Variants in SULT1C2 observed in about 807,000 individuals in gnomAD.
The protein encoded by SULT1C2 is sulfotransferase 1C2.
A neutral mutation model predicts 36.0 loss-of-function variants in SULT1C2; 27 were observed. The ratio of observed to expected loss-of-function variants is 0.75; its 90% CI spans 0.55 to 1.03. The LOEUF is 1.03. Among genes scored for constraint, SULT1C2 ranks in the 50% least tolerant of loss-of-function variants. The pLI, the probability that SULT1C2 is intolerant of heterozygous loss-of-function variation, is 0.00. For missense variants in SULT1C2, 395 were observed against 359.2 expected (o/e 1.10, Z -0.80); for synonymous variants, 121 against 116.0 (o/e 1.04, Z -0.27).
chr2:108,298,470 C>T, intron 3 of SULT1C2: 1 of 202,416 alleles, frequency 4.9e-6, no homozygotes. Context: ...ATCTCTCGAG[C>T]TCAAGCGATC....
Position 108,309,324 on chromosome 2 carries a change from T to C in SULT1C2, c.*860T>C, listed in dbSNP as rs1047312. The stretch of plus-strand genomic sequence containing the variant: ...ATGTATTTACTCTTCAATTTCTTAT[T>C]TATACCTCTCACTCAATTGTTAATT... On this transcript the variant is annotated 3_prime_UTR_variant, in exon 8 of 8. Coordinates refer to ENST00000251481, the MANE Select transcript of SULT1C2 (RefSeq NM_001056.4). 0.74 allele frequency: 111,850 copies of C among 152,060 alleles called. 41,978 individuals are homozygous for C. The highest frequency in any genetic ancestry group is 0.93 in the East Asian group (4,814 of 5,182). The allele number at this position is 152,060 out of a possible 1,614,324, so 9.4% of individuals were successfully genotyped here. A position where few individuals can be genotyped will look rare whatever the true frequency, so the allele number is the denominator to read the frequency against.
At chr2:108,291,608 TA>T (rs373596162) in intron 1 of SULT1C2, among the ~76,000 whole-genome samples, 1,966 of 150,824 alleles carry the variant, frequency 0.013, 53 homozygotes, top group African/African-American at 0.042. Flanking sequence ...AAATTCACAA[TA>T]AAAAAAAACA....
In SULT1C2 at chr2:108,304,632, G is replaced by T. The variant is rs938784911; in HGVS notation, c.434G>T (p.Arg145Met). ...DCMVSYYHFQ[R>M]MNHMLPDPGT... is the part of the protein sequence containing the mutation. The stretch of plus-strand genomic sequence containing the variant: ...ATGGTTTCCTACTACCATTTCCAAA[G>T]GATGAACCACATGCTTCCTGACCCT... The change falls in exon 5 of 8, where the codon AGG becomes ATG. Residue 145 changes from arginine (R) to methionine (M), a missense_variant. Transcript: ENST00000251481. The T allele has an allele frequency of 6.2e-7, 1 of 1,613,846 alleles. No homozygotes were observed. The highest frequency in any genetic ancestry group is 8.5e-7 in the Non-Finnish European group (1 of 1,179,936).
chr2:108,308,316 C>A, intron 7 of SULT1C2, 36 bp from the exon 8 acceptor site: 1 of 1,567,270 alleles, frequency 6.4e-7, no homozygotes, highest in Non-Finnish European at 8.7e-7. Context: ...ATCTTTCAAT[C>A]AGAGTGACAC....
intron 3 of SULT1C2, among the ~76,000 whole-genome samples, chr2:108,296,222 G>A (rs1432815684): frequency 1.3e-5 from 2 of 152,212 alleles, no homozygotes; most frequent in Admixed American, 1.3e-4. Flanking sequence ...CTTAGCAGTA[G>A]AGAGCAGAGT....
At chr2:108,293,900 G>A in intron 2 of SULT1C2, 82 bp downstream of exon 2, 9 of 1,537,042 alleles carry the variant, frequency 5.9e-6, no homozygotes, top group Non-Finnish European at 7.9e-6. Context: ...CCCTTCTTAG[G>A]AAACCTGCTC....
intron 3 of SULT1C2, chr2:108,298,499 G>A (rs569423875): frequency 3.3e-5 from 7 of 209,390 alleles, no homozygotes; most frequent in South Asian, 2.6e-4. Flanking sequence ...TCAGCCTCCC[G>A]AGTAAGTAGC....
chr2:108,289,843 C>A (rs1676547484), intron 1 of SULT1C2, among the ~76,000 whole-genome samples: 1 of 152,194 alleles, frequency 6.6e-6, no homozygotes. Context: ...TCTCTTGCTG[C>A]ATCTCCTTCT....
At position 108,308,560 on chromosome 2, in the gene SULT1C2, G is replaced by T. The variant is rs920901028; in HGVS notation, c.*96G>T. On this transcript the variant is annotated 3_prime_UTR_variant, in exon 8 of 8. Coordinates refer to ENST00000251481, the MANE Select transcript of SULT1C2 (RefSeq NM_001056.4). Reference sequence around the variant, plus strand: ...CCAGAAGAATCTCTGAAAGCATATTGTGAATGTATACAATGTAGTACAAAC... The same window carrying T: ...CCAGAAGAATCTCTGAAAGCATATTTTGAATGTATACAATGTAGTACAAAC... 1 of 990,714 alleles carries T rather than the reference G, an allele frequency of 1.0e-6. No homozygotes were observed. Among genetic ancestry groups the T allele is most frequent in the East Asian group, 2.6e-5 (1 of 39,034 alleles). The allele number at this position is 990,714 out of a possible 1,614,324, so 61.4% of individuals were successfully genotyped here.
At chr2:108,291,935 T>C (rs76625784) in intron 1 of SULT1C2, among the ~76,000 whole-genome samples, 1,871 of 152,236 alleles carry the variant, frequency 0.012, 15 homozygotes, top group Middle Eastern at 0.041. Flanking sequence ...TATTTGAAAA[T>C]TTTCATAAAT....
intron 3 of SULT1C2, chr2:108,300,618 A>G (rs957782567): frequency 8.7e-5 from 58 of 666,842 alleles, no homozygotes; most frequent in Non-Finnish European, 1.3e-4. Flanking sequence ...CCTTAAAGTG[A>G]CAGAGTAAAT....
intron 3 of SULT1C2, chr2:108,300,183 C>G (rs1676836300): frequency 6.6e-6 from 1 of 152,274 alleles, no homozygotes; most frequent in Non-Finnish European, 1.5e-5. Flanking sequence ...TCGAGACCAG[C>G]CTGACCAACA....
At chr2:108,294,860 C>T (rs985344762) in intron 3 of SULT1C2, among the ~76,000 whole-genome samples, 2 of 152,176 alleles carry the variant, frequency 1.3e-5, no homozygotes, top group East Asian at 3.9e-4. Flanking sequence ...TAATGCTCAA[C>T]CTAGAAGTGT....
chr2:108,304,112 G>A (rs1300704775), intron 4 of SULT1C2: 1 of 152,798 alleles, frequency 6.5e-6, no homozygotes, highest in African/African-American at 2.4e-5. Context: ...AATGATTAGA[G>A]ATGGAAATCA....
At chr2:108,289,850 T>C (rs1290839018) in intron 1 of SULT1C2, among the ~76,000 whole-genome samples, 1 of 152,158 alleles carries the variant, frequency 6.6e-6, no homozygotes, top group Non-Finnish European at 1.5e-5. Context: ...CTGCATCTCC[T>C]TCTCCCAGCT....
intron 3 of SULT1C2, among the ~76,000 whole-genome samples, chr2:108,294,768 A>C (rs555796962): frequency 6.6e-6 from 1 of 152,204 alleles, no homozygotes; most frequent in African/African-American, 2.4e-5. Context: ...TCGATAATTC[A>C]CACACACATA....
chr2:108,305,648 G>A, intron 7 of SULT1C2, 53 bp downstream of exon 7: 2 of 1,599,922 alleles, frequency 1.3e-6, no homozygotes, highest in Non-Finnish European at 1.7e-6. Flanking sequence ...CATCCTGTCT[G>A]CCTCTTAGCA....
At chr2:108,308,255 G>A in intron 7 of SULT1C2, 97 bp from the exon 8 acceptor site, 5 of 1,105,286 alleles carry the variant, frequency 4.5e-6, no homozygotes, top group East Asian at 2.4e-5. Flanking sequence ...CAGGTATGTG[G>A]ACAGGCCAGA....
chr2:108,290,297 C>T (rs538944020), intron 1 of SULT1C2, among the ~76,000 whole-genome samples: 5 of 152,282 alleles, frequency 3.3e-5, no homozygotes, highest in African/African-American at 1.2e-4. Context: ...TCCTAATCTC[C>T]TCTCATTACA....
Sources: allele counts gnomAD v4.1 joint callset (sites outside exome capture counted in the v4.1 genomes callset), GRCh38; gene constraint gnomAD v4.1.1; transcripts MANE v1.5; gene names NCBI Gene and HGNC (gene_info 2026-07-23, HGNC 2026-07-21).